Variants in MACF1 observed in about 807,000 individuals in gnomAD.
The protein encoded by MACF1 is microtubule actin crosslinking factor 1, also known as microtubule-actin cross-linking factor 1.
MACF1 carries 193 observed loss-of-function variants against 854.8 expected under a neutral mutation model. The observed-to-expected ratio is 0.23, with a 90% CI of 0.20 to 0.25. MACF1 has a LOEUF of 0.25. Among genes scored for constraint, MACF1 ranks in the 10% least tolerant of loss-of-function variants. The pLI, the probability that MACF1 is intolerant of heterozygous loss-of-function variation, is 1.00. For missense variants in MACF1, 7,722 were observed against 8,929.1 expected (o/e 0.86, Z 5.45); for synonymous variants, 3,185 against 3,226.7 (o/e 0.99, Z 0.44).
intron 2 of MACF1, chr1:39,102,774 A>T (rs1163132772): frequency 4.3e-6 from 3 of 702,488 alleles, no homozygotes; most frequent in Non-Finnish European, 7.8e-6. Context: ...AGTCTCACCC[A>T]TCAGGAGCAA....
intron 15 of MACF1, among the ~76,000 whole-genome samples, chr1:39,288,232 C>T (rs1645686902): frequency 6.6e-6 from 1 of 152,190 alleles, no homozygotes; most frequent in South Asian, 2.1e-4. Context: ...GGTGCAGTGG[C>T]TCACGCCTGT....
At chr1:39,255,360 G>A (rs1365613889) in intron 5 of MACF1, among the ~76,000 whole-genome samples, 1 of 152,168 alleles carries the variant, frequency 6.6e-6, no homozygotes, top group Non-Finnish European at 1.5e-5. Flanking sequence ...ATACAGAGAT[G>A]GTTTGTGGTA....
chr1:39,447,372 T>A, intron 80 of MACF1, 60 bp from the exon 81 acceptor site: 2 of 1,555,150 alleles, frequency 1.3e-6, no homozygotes, highest in Non-Finnish European at 1.8e-6. Context: ...TCGCTGAGCC[T>A]ATAATTCCTG....
Position 39,296,777 on chromosome 1 carries a change from AAAG to A in MACF1, c.2356-840_2356-838del, listed in dbSNP as rs1645915946. On this transcript the variant is annotated intron_variant, in intron 20 of 100. Transcript: ENST00000564288. ...AAGGAAGGAAGGAAGGAAGGAAAAG[AAAG>A]AAAGAAAGAAAGGAAGGAAGGAAAA... Among the ~76,000 whole-genome samples the A allele has an allele frequency of 1.3e-4, 9 of 71,808 alleles. 1 individual carries two copies. Among genetic ancestry groups the A allele is most frequent in the Admixed American group, 5.9e-4 (4 of 6,786 alleles). 47.1% of individuals were successfully genotyped at this position (71,808 alleles called of 152,430 possible). A position where few individuals can be genotyped will look rare whatever the true frequency, so the allele number is the denominator to read the frequency against.
At chr1:39,325,970 A>G (rs931500674) in intron 35 of MACF1, among the ~76,000 whole-genome samples, 1 of 152,052 alleles carries the variant, frequency 6.6e-6, no homozygotes, top group Non-Finnish European at 1.5e-5. Context: ...CTCTAACTGG[A>G]TTTACCTAGC....
intron 6 of MACF1, among the ~76,000 whole-genome samples, chr1:39,268,207 TCTC>T (rs943902636): frequency 6.6e-6 from 1 of 152,142 alleles, no homozygotes; most frequent in Non-Finnish European, 1.5e-5. Context: ...TTGGTACTAT[TCTC>T]CTCCTCCTTC....
Position 39,258,023 on chromosome 1 carries a change from T to G in MACF1, c.523T>G (p.Phe175Val), listed in dbSNP as rs770348875. The change falls in exon 6 of 101, where the codon TTC becomes GTC. Residue 175 changes from phenylalanine to valine, a missense_variant. Phe to Val is a conservative substitution (Grantham distance 50). Coordinates refer to ENST00000564288, the MANE Select transcript of MACF1 (RefSeq NM_001394062.1). Reference sequence around the variant, plus strand: ...TCTGATCTGGACCATTATTTTGCATTTCCAGGTAGGGCATGTGAAGTTTGG... The same window carrying G: ...TCTGATCTGGACCATTATTTTGCATGTCCAGGTAGGGCATGTGAAGTTTGG... Reference protein sequence around the residue: ...LGLIWTIILHFQISDIYISGE... With the variant: ...LGLIWTIILHVQISDIYISGE... 2 of 1,613,894 alleles carry G rather than the reference T, an allele frequency of 1.2e-6. No individual in the cohort carries two copies. The highest frequency in any genetic ancestry group is 1.7e-6 in the Non-Finnish European group (2 of 1,179,816).
chr1:39,432,768 G>GA, intron 67 of MACF1, 114 bp downstream of exon 67: 3 of 1,187,790 alleles, frequency 2.5e-6, no homozygotes, highest in African/African-American at 1.6e-5. Flanking sequence ...ATGGTAAATA[G>GA]AAATTAATTT....
At chr1:39,324,015 C>T (rs1188877172) in intron 33 of MACF1, among the ~76,000 whole-genome samples, 178 bp from the exon 34 acceptor site, 1 of 152,138 alleles carries the variant, frequency 6.6e-6, no homozygotes, top group Non-Finnish European at 1.5e-5. Context: ...ATTTAGCTCA[C>T]AAACACCTGT....
At chr1:39,310,564 G>A in intron 25 of MACF1, 136 bp downstream of exon 25, 1 of 978,610 alleles carries the variant, frequency 1.0e-6, no homozygotes. Context: ...TTGAGATAGA[G>A]AAGAACTTAT....
chr1:39,369,385 T>C (rs1475142268), intron 50 of MACF1, among the ~76,000 whole-genome samples: 3 of 152,302 alleles, frequency 2.0e-5, no homozygotes, highest in Non-Finnish European at 2.9e-5. Flanking sequence ...AAAGAGTTGC[T>C]CAAACCAACA....
rs1227857217 is a variant in MACF1 at position 39,316,524 on chromosome 1, T to G, written c.3583T>G (p.Leu1195Val). 3.1e-6 allele frequency: 5 copies of G among 1,612,382 alleles called. No individual in the cohort carries two copies. The highest frequency in any genetic ancestry group is 8.5e-7 in the Non-Finnish European group (1 of 1,178,920). The change falls in exon 28 of 101, where the codon TTA becomes GTA. Residue 1195 changes from leucine (L) to valine (V), a missense_variant. Around this residue, in one of 15 missense-constraint regions of MACF1, gnomAD observed 1,137 missense variants for 1,263.0 expected, o/e 0.90. Coordinates refer to ENST00000564288, the MANE Select transcript of MACF1 (RefSeq NM_001394062.1). Reference protein sequence around the residue: ...LSALEAHWSTLRHWLSDVKDK... With the variant: ...LSALEAHWSTVRHWLSDVKDK... Reference sequence around the variant, plus strand: ...AGCTCTGGAGGCCCATTGGTCGACATTACGGGTGAGTTGCTCTGAGTTTCT... The same window carrying G: ...AGCTCTGGAGGCCCATTGGTCGACAGTACGGGTGAGTTGCTCTGAGTTTCT...
chr1:39,100,018 C>G (rs1362737309), intron 2 of MACF1, among the ~76,000 whole-genome samples: 2 of 152,086 alleles, frequency 1.3e-5, no homozygotes, highest in Non-Finnish European at 2.9e-5. Flanking sequence ...GAGTTCGAGA[C>G]CAGCCTGGAC....
chr1:39,299,981 C>G (rs1250325340), intron 21 of MACF1, among the ~76,000 whole-genome samples: 1 of 152,152 alleles, frequency 6.6e-6, no homozygotes, highest in Non-Finnish European at 1.5e-5. Flanking sequence ...GAAAGTGGCA[C>G]AGGGAGAAAG....
At chr1:39,213,681 A>G (rs1241385542) in intron 1 of MACF1, among the ~76,000 whole-genome samples, 1 of 152,196 alleles carries the variant, frequency 6.6e-6, no homozygotes, top group Non-Finnish European at 1.5e-5. Context: ...GTTACTAGAT[A>G]TGAGTCAGGA....
At chr1:39,466,968 CA>C (rs1213207181) in intron 95 of MACF1, among the ~76,000 whole-genome samples, 7 of 152,182 alleles carry the variant, frequency 4.6e-5, no homozygotes, top group African/African-American at 1.7e-4. Context: ...AGAATTACCA[CA>C]AGTATATTAA....
At chr1:39,340,451 C>A in intron 38 of MACF1, 51 bp from the exon 39 acceptor site, 1 of 1,350,242 alleles carries the variant, frequency 7.4e-7, no homozygotes, top group South Asian at 1.2e-5. Context: ...AGCTGATTCC[C>A]AGAGGGTTTC....
intron 58 of MACF1, among the ~76,000 whole-genome samples, chr1:39,399,644 TG>T (rs202187371): frequency 0.018 from 2,776 of 152,298 alleles, 41 homozygotes; most frequent in South Asian, 0.028. Flanking sequence ...CCCAAAGTGC[TG>T]GGATTATAGG....
At chr1:39,128,688 G>A (rs1277258573) in intron 2 of MACF1, among the ~76,000 whole-genome samples, 1 of 151,108 alleles carries the variant, frequency 6.6e-6, no homozygotes, top group Non-Finnish European at 1.5e-5. Flanking sequence ...GACAGGGTGA[G>A]ACTCCGTCTC....
Sources: gnomAD v4.1 joint callset for allele counts (sites outside exome capture counted in the v4.1 genomes callset) on GRCh38, gnomAD v4.1.1 for gene constraint, gnomAD v4.1.1 regional missense constraint, MANE v1.5 for transcripts, NCBI Gene and HGNC (gene_info 2026-07-23, HGNC 2026-07-21) for gene names.